Variants in DDX60L observed in about 807,000 individuals in gnomAD.
DDX60L encodes DExD/H-box 60 like, also known as probable ATP-dependent RNA helicase DDX60-like.
DDX60L carries 191 observed loss-of-function variants against 211.6 expected under a neutral mutation model. The ratio of observed to expected loss-of-function variants is 0.90; its 90% CI spans 0.80 to 1.02. The LOEUF (loss-of-function observed/expected upper bound fraction) is 1.02, where lower values mean the gene tolerates loss of function less well. Among genes scored for constraint, DDX60L ranks in the 50% least tolerant of loss-of-function variants. DDX60L has a pLI of 0.00. For missense variants in DDX60L, 2,007 were observed against 1,984.1 expected, an observed-to-expected ratio of 1.01 and a Z score of -0.22; for synonymous variants, 706 against 694.1, an observed-to-expected ratio of 1.02 and a Z score of -0.27.
At chr4:168,450,055 G>A (rs1755592963) in intron 8 of DDX60L, among the ~76,000 whole-genome samples, 1 of 152,028 alleles carries the variant, frequency 6.6e-6, no homozygotes, top group Non-Finnish European at 1.5e-5. Flanking sequence ...TCATTCCTGG[G>A]GACTCGGCGG....
At chr4:168,477,347 G>A (rs1279560507) in intron 1 of DDX60L, among the ~76,000 whole-genome samples, 12 of 151,768 alleles carry the variant, frequency 7.9e-5, no homozygotes, top group South Asian at 2.1e-4. Context: ...CCTGGGAGGC[G>A]GAGCTTGCAG....
At chr4:168,382,513 A>T (rs1209875745) in intron 30 of DDX60L, among the ~76,000 whole-genome samples, 2 of 152,056 alleles carry the variant, frequency 1.3e-5, no homozygotes, top group Non-Finnish European at 2.9e-5. Context: ...TTTTTAATAC[A>T]GCAATACTGT....
chr4:168,362,364 CA>C (rs1739256915), intron 36 of DDX60L, among the ~76,000 whole-genome samples: 1 of 152,182 alleles, frequency 6.6e-6, no homozygotes, highest in Non-Finnish European at 1.5e-5. Flanking sequence ...CTGGCCAGCC[CA>C]CATATGCCTG....
rs1747323302 is a variant in DDX60L at position 168,404,104 on chromosome 4, G to C, written c.3216C>G (p.Val1072=). The C allele has an allele frequency of 7.5e-7, 1 of 1,331,686 alleles. No homozygotes were observed. 82.5% of individuals were successfully genotyped at this position (1,331,686 alleles called of 1,614,324 possible). Residue 1072 remains valine, a splice_region_variant and synonymous_variant, in exon 25 of 38, where the codon GTC becomes GTG. Transcript: ENST00000682922. ...GACTAAGGTTCTTCAGTACTCTTTT[G>C]ACCTACAACAGTAAGTAAAAATTAT... The part of the protein sequence containing the change: ...NWIKNGQVKK[V]KRVLKNLSPD...
chr4:168,410,157 T>C (rs1748438120), intron 22 of DDX60L, among the ~76,000 whole-genome samples: 1 of 152,124 alleles, frequency 6.6e-6, no homozygotes, highest in African/African-American at 2.4e-5. Flanking sequence ...CAAAAAATTA[T>C]AACAGCAGGC....
At chr4:168,413,979 AAGC>A (rs1749105663) in intron 22 of DDX60L, among the ~76,000 whole-genome samples, 1 of 152,210 alleles carries the variant, frequency 6.6e-6, no homozygotes, top group South Asian at 2.1e-4. Context: ...AGGATCCTAA[AAGC>A]AGCAAGAGAA....
intron 33 of DDX60L, among the ~76,000 whole-genome samples, chr4:168,376,544 T>C (rs1253065293): frequency 6.6e-6 from 1 of 152,194 alleles, no homozygotes; most frequent in East Asian, 1.9e-4. Context: ...TTACAGTGGA[T>C]AGTATGACAA....
chr4:168,402,674 A>T (rs1484097458), intron 25 of DDX60L, among the ~76,000 whole-genome samples: 1 of 152,178 alleles, frequency 6.6e-6, no homozygotes, highest in Non-Finnish European at 1.5e-5. Context: ...ACGCCTCTAC[A>T]TGGGCACCAG....
At chr4:168,362,007 A>G (rs1199284357) in intron 36 of DDX60L, among the ~76,000 whole-genome samples, 5 of 152,164 alleles carry the variant, frequency 3.3e-5, no homozygotes, top group African/African-American at 9.7e-5. Context: ...GCAGCCCACC[A>G]CCCACTGGGG....
intron 4 of DDX60L, among the ~76,000 whole-genome samples, chr4:168,465,700 T>A (rs1365529191): frequency 6.6e-6 from 1 of 152,178 alleles, no homozygotes; most frequent in Non-Finnish European, 1.5e-5. Flanking sequence ...TCAGTTTCAT[T>A]TTCCTGCATA....
intron 32 of DDX60L, 94 bp downstream of exon 32, chr4:168,379,269 A>C (rs1264984283): frequency 8.9e-7 from 1 of 1,126,700 alleles, no homozygotes; most frequent in Non-Finnish European, 1.2e-6. Flanking sequence ...TTAATAAATG[A>C]GAAGGAGGAA....
In DDX60L at chr4:168,384,603, G is replaced by A. The variant is rs763368814; in HGVS notation, c.4116+9C>T. On this transcript the variant is annotated intron_variant, in intron 30 of 37. Coordinates refer to ENST00000682922, the MANE Select transcript of DDX60L (RefSeq NM_001012967.3). Reference sequence around the variant, plus strand: ...AAGACTGAACCTCAGGCAGTGTCCAGCACGGTACCTTTGCCTTGGCATCCT... The same window carrying A: ...AAGACTGAACCTCAGGCAGTGTCCAACACGGTACCTTTGCCTTGGCATCCT... 3.7e-6 allele frequency: 6 copies of A among 1,613,484 alleles called. No homozygotes were observed. The highest frequency in any genetic ancestry group is 2.2e-5 in the East Asian group (1 of 44,882).
At chr4:168,399,838 T>C (rs1579385745) in intron 26 of DDX60L, among the ~76,000 whole-genome samples, 1 of 152,312 alleles carries the variant, frequency 6.6e-6, no homozygotes, top group East Asian at 1.9e-4. Context: ...GGCAATTCAT[T>C]CTATAGGCCA....
chr4:168,474,066 G>A (rs1759169190), intron 1 of DDX60L, among the ~76,000 whole-genome samples: 1 of 152,130 alleles, frequency 6.6e-6, no homozygotes, highest in African/African-American at 2.4e-5. Context: ...AAGGACAAAA[G>A]TAGGCTTTGC....
intron 22 of DDX60L, among the ~76,000 whole-genome samples, chr4:168,406,953 A>G (rs1343093579): frequency 6.6e-6 from 1 of 152,200 alleles, no homozygotes; most frequent in Non-Finnish European, 1.5e-5. Flanking sequence ...CTATTTCCTG[A>G]GACTATTTGC....
At chr4:168,455,978 A>C (rs1756514159) in intron 7 of DDX60L, 61 bp downstream of exon 7, 1 of 1,147,328 alleles carries the variant, frequency 8.7e-7, no homozygotes, top group South Asian at 1.5e-5. Context: ...CAGTGAAGTT[A>C]TACCAGTTAC....
At position 168,372,905 on chromosome 4, in the gene DDX60L, T is replaced by A. The variant is rs984618225; in HGVS notation, c.4776+761A>T. On this transcript the variant is annotated intron_variant, in intron 35 of 37. Transcript: ENST00000682922. ...CTTTGGGTATCAAATAGCTTTGATATCTATATTCTTTTGGATAAACTTTTA... is the reference window on the plus strand; with the variant it reads ...CTTTGGGTATCAAATAGCTTTGATAACTATATTCTTTTGGATAAACTTTTA... 3.9e-5 allele frequency among the ~76,000 whole-genome samples: 6 copies of A among 152,324 alleles called. No individual in the cohort carries two copies. In the South Asian group the frequency reaches 8.3e-4, roughly 21 times the overall value.
chr4:168,402,771 CAACT>C (rs1413505084), intron 25 of DDX60L, among the ~76,000 whole-genome samples: 2 of 152,156 alleles, frequency 1.3e-5, no homozygotes, highest in African/African-American at 4.8e-5. Context: ...GAGCCTAAAC[CAACT>C]GTCATAGAGT....
chr4:168,398,936 G>A (rs1364515193), intron 26 of DDX60L, among the ~76,000 whole-genome samples: 2 of 150,654 alleles, frequency 1.3e-5, no homozygotes, highest in Non-Finnish European at 3.0e-5. Context: ...AGCACTTGAT[G>A]GGATTACCTG....
Sources: gnomAD v4.1 joint callset for allele counts (sites outside exome capture counted in the v4.1 genomes callset) on GRCh38, gnomAD v4.1.1 for gene constraint, MANE v1.5 for transcripts, NCBI Gene and HGNC (gene_info 2026-07-23, HGNC 2026-07-21) for gene names.